Variants in CDKAL1 observed in about 807,000 individuals in gnomAD.
The protein encoded by CDKAL1 is CDKAL1 threonylcarbamoyladenosine tRNA methylthiotransferase, also known as threonylcarbamoyladenosine tRNA methylthiotransferase.
In CDKAL1, 32 loss-of-function variants were observed where a neutral mutation model predicts 68.2. That is an observed-to-expected ratio of 0.47 (90% CI 0.35 to 0.63). The LOEUF (loss-of-function observed/expected upper bound fraction) is 0.63, where lower values mean the gene tolerates loss of function less well. Ranked by LOEUF, CDKAL1 falls within the 30% of genes least tolerant of loss-of-function variation. The pLI, the probability that CDKAL1 is intolerant of heterozygous loss-of-function variation, is 0.00. For missense variants in CDKAL1, 606 were observed against 696.7 expected (o/e 0.87, Z 1.47); for synonymous variants, 234 against 244.3 (o/e 0.96, Z 0.39).
At chr6:21,101,951 T>C (rs1003839150) in intron 12 of CDKAL1, among the ~76,000 whole-genome samples, 6 of 152,028 alleles carry the variant, frequency 3.9e-5, no homozygotes, top group African/African-American at 9.7e-5. Flanking sequence ...TAAGGTGTTA[T>C]TTTTTTTCTG....
At chr6:20,616,935 G>T (rs1207925203) in intron 4 of CDKAL1, among the ~76,000 whole-genome samples, 2 of 150,176 alleles carry the variant, frequency 1.3e-5, no homozygotes, top group Admixed American at 6.7e-5. Flanking sequence ...AGTTACTTTA[G>T]AGGCTTAGGC....
At chr6:20,598,286 T>G (rs915335569) in intron 4 of CDKAL1, among the ~76,000 whole-genome samples, 1 of 152,246 alleles carries the variant, frequency 6.6e-6, no homozygotes, top group African/African-American at 2.4e-5. Context: ...ATTTGGAGTC[T>G]AGGGAAAGCT....
At chr6:20,581,020 C>T (rs991774119) in intron 4 of CDKAL1, among the ~76,000 whole-genome samples, 1 of 152,134 alleles carries the variant, frequency 6.6e-6, no homozygotes, top group African/African-American at 2.4e-5. Flanking sequence ...AACTCCCGAC[C>T]TCAGGTGATC....
intron 8 of CDKAL1, among the ~76,000 whole-genome samples, chr6:20,810,381 CT>C (rs1385507225): frequency 2.8e-5 from 4 of 141,544 alleles, no homozygotes; most frequent in African/African-American, 7.9e-5. Context: ...CTCTCTCTCT[CT>C]CTCTCTCTGT....
chr6:20,891,321 C>T (rs1156805829), intron 9 of CDKAL1, among the ~76,000 whole-genome samples: 1 of 152,168 alleles, frequency 6.6e-6, no homozygotes, highest in African/African-American at 2.4e-5. Context: ...TTGGAAGGCT[C>T]TGGCTTGAGC....
At chr6:20,774,616 T>TTC (rs1775095766) in intron 7 of CDKAL1, among the ~76,000 whole-genome samples, 1 of 152,212 alleles carries the variant, frequency 6.6e-6, no homozygotes, top group Admixed American at 6.5e-5. Context: ...TGAACATTGA[T>TTC]TCAACTAGTG....
intron 9 of CDKAL1, among the ~76,000 whole-genome samples, chr6:20,885,187 G>A (rs201336989): frequency 3.9e-5 from 6 of 151,968 alleles, no homozygotes; most frequent in Non-Finnish European, 8.8e-5. Flanking sequence ...TCAAATTCAC[G>A]TACAGTTGCA....
chr6:20,717,895 GA>G (rs1196148416), intron 5 of CDKAL1, among the ~76,000 whole-genome samples: 1 of 152,122 alleles, frequency 6.6e-6, no homozygotes, highest in Non-Finnish European at 1.5e-5. Context: ...AGTAGAGAAG[GA>G]GAAAGGATGG....
intron 4 of CDKAL1, among the ~76,000 whole-genome samples, chr6:20,577,388 A>G (rs1052560736): frequency 2.0e-5 from 3 of 152,204 alleles, no homozygotes; most frequent in South Asian, 2.1e-4. Context: ...TTTTTGCTCT[A>G]CAAAAGCTTC....
intron 5 of CDKAL1, among the ~76,000 whole-genome samples, chr6:20,662,496 G>A (rs984072358): frequency 6.6e-6 from 1 of 152,090 alleles, no homozygotes; most frequent in Non-Finnish European, 1.5e-5. Flanking sequence ...GGTCCCTACT[G>A]TACCTTTGAT....
intron 12 of CDKAL1, among the ~76,000 whole-genome samples, chr6:21,093,707 T>A (rs950156498): frequency 3.1e-4 from 4 of 12,990 alleles, no homozygotes; most frequent in Non-Finnish European, 3.0e-4. Flanking sequence ...TTTTTTTTTT[T>A]TTTTTTTTTT....
intron 8 of CDKAL1, chr6:20,800,559 T>TTTTTTAAAATTTAA (rs1776324817): frequency 6.6e-6 from 1 of 152,250 alleles, no homozygotes; most frequent in African/African-American, 2.4e-5. Flanking sequence ...TTCTAAACTC[T>TTTTTTAAAATTTAA]CATGCCCAGC....
At chr6:21,177,217 CATTGT>C (rs912635282) in intron 13 of CDKAL1, among the ~76,000 whole-genome samples, 2 of 152,046 alleles carry the variant, frequency 1.3e-5, no homozygotes, top group Non-Finnish European at 2.9e-5. Context: ...TCAAATATTG[CATTGT>C]TTTTAAAGTT....
chr6:20,685,120 A>G (rs1378295911), intron 5 of CDKAL1, among the ~76,000 whole-genome samples: 1 of 152,066 alleles, frequency 6.6e-6, no homozygotes, highest in Non-Finnish European at 1.5e-5. Flanking sequence ...ATCTCCCAGG[A>G]GTTCTGTAGT....
intron 9 of CDKAL1, among the ~76,000 whole-genome samples, chr6:20,931,816 A>T (rs1195929864): frequency 6.6e-6 from 1 of 152,202 alleles, no homozygotes; most frequent in Non-Finnish European, 1.5e-5. Context: ...AGAACCTGAA[A>T]ATATTTTTCG....
chr6:20,857,307 G>A (rs1017930936), intron 9 of CDKAL1, among the ~76,000 whole-genome samples: 2 of 152,118 alleles, frequency 1.3e-5, no homozygotes, highest in African/African-American at 4.8e-5. Flanking sequence ...TTTTTAACCT[G>A]TGACAATATA....
intron 13 of CDKAL1, among the ~76,000 whole-genome samples, chr6:21,189,875 A>G (rs1778165518): frequency 6.6e-6 from 1 of 152,228 alleles, no homozygotes; most frequent in Non-Finnish European, 1.5e-5. Flanking sequence ...CTGTATACCC[A>G]GGAGACCCAG....
intron 4 of CDKAL1, among the ~76,000 whole-genome samples, chr6:20,575,843 G>A (rs549360319): frequency 3.9e-5 from 6 of 152,026 alleles, no homozygotes; most frequent in African/African-American, 1.2e-4. Context: ...ATGATGCTTC[G>A]TAAGGAACAA....
intron 12 of CDKAL1, among the ~76,000 whole-genome samples, chr6:21,094,757 T>A (rs911841559): frequency 6.6e-6 from 1 of 152,192 alleles, no homozygotes; most frequent in African/African-American, 2.4e-5. Flanking sequence ...ACTAATAAAA[T>A]ACACAGAGCA....
Sources: allele counts gnomAD v4.1 joint callset (sites outside exome capture counted in the v4.1 genomes callset), GRCh38; gene constraint gnomAD v4.1.1; transcripts MANE v1.5; gene names NCBI Gene and HGNC (gene_info 2026-07-23, HGNC 2026-07-21).